Variants in MMUT observed in about 807,000 individuals in gnomAD.
MMUT encodes the protein methylmalonyl-CoA mutase, mitochondrial.
In MMUT, 79 loss-of-function variants were observed where a neutral mutation model predicts 79.9. That is an observed-to-expected ratio of 0.99 (90% confidence interval 0.82 to 1.19). The LOEUF is 1.19. MMUT is among the 50% of genes most tolerant of loss of function. The pLI is 0.00. For synonymous variants in MMUT, 273 were observed against 295.7 expected, an observed-to-expected ratio of 0.92 and a Z score of 0.79; for missense variants, 860 against 917.2, an observed-to-expected ratio of 0.94 and a Z score of 0.81.
At chr6:49,454,117 C>T (rs987017590) in intron 4 of MMUT, among the ~76,000 whole-genome samples, 9 of 152,128 alleles carry the variant, frequency 5.9e-5, no homozygotes, top group African/African-American at 2.2e-4. Context: ...TGAAATAAAA[C>T]AGCAAATTTG....
At position 49,430,637 on chromosome 6, in the gene MMUT, C is replaced by T. The variant is rs1341541064; in HGVS notation, c.*1091G>A. On this transcript the variant is annotated 3_prime_UTR_variant, in exon 13 of 13. Transcript: ENST00000274813. Reference sequence around the variant, plus strand: ...ACAGTAATGTATCTATAATACTTTCCAAAAGACTGCTCTCTGATCTAATAC... The same window carrying T: ...ACAGTAATGTATCTATAATACTTTCTAAAAGACTGCTCTCTGATCTAATAC... 2 of 151,980 alleles carry T rather than the reference C, an allele frequency of 1.3e-5. No homozygotes were observed. Among genetic ancestry groups the T allele is most frequent in the Admixed American group, 1.3e-4 (2 of 15,250 alleles). The allele number at this position is 151,980 out of a possible 1,614,324, so 9.4% of individuals were successfully genotyped here.
intron 12 of MMUT, among the ~76,000 whole-genome samples, chr6:49,433,817 G>A (rs1767051355): frequency 6.6e-6 from 1 of 152,048 alleles, no homozygotes; most frequent in Non-Finnish European, 1.5e-5. Context: ...CATATTCACT[G>A]CAAACAAATA....
Position 49,459,073 on chromosome 6 carries a change from A to G in MMUT, c.385+9T>C, listed in dbSNP as rs483352783. The G allele has an allele frequency of 6.2e-7, 1 of 1,613,478 alleles. No homozygotes were observed. The highest frequency in any genetic ancestry group is 1.1e-5 in the South Asian group (1 of 90,966). On this transcript the variant is annotated intron_variant, in intron 2 of 12. Coordinates refer to ENST00000274813, the MANE Select transcript of MMUT (RefSeq NM_000255.4). ...ATCATAAATATTATGTCTTACATTA[A>G]AATCTCACCCTTAATGTTGTCCTTA...
intron 6 of MMUT, among the ~76,000 whole-genome samples, chr6:49,450,829 T>C (rs932801460): frequency 6.6e-6 from 1 of 152,162 alleles, no homozygotes; most frequent in African/African-American, 2.4e-5. Context: ...AATGAAAATA[T>C]ATTCCTACTA....
At chr6:49,442,429 G>A (rs545059558) in intron 9 of MMUT, among the ~76,000 whole-genome samples, 1 of 152,012 alleles carries the variant, frequency 6.6e-6, no homozygotes, top group African/African-American at 2.4e-5. Flanking sequence ...CTACTATAGC[G>A]ATACAGTAAT....
At chr6:49,461,714 A>T (rs972331270) in intron 1 of MMUT, among the ~76,000 whole-genome samples, 3 of 152,206 alleles carry the variant, frequency 2.0e-5, no homozygotes, top group Non-Finnish European at 2.9e-5. Context: ...GGTTGCAGTG[A>T]GCAGAGATCG....
rs1554160370 is a variant in MMUT at position 49,455,133 on chromosome 6, A to AT, written c.911+946_911+947insA. ...GAAAAATAAGTATGCTTCTTAAAAA[A>AT]ATATATATATATATAATAAAAGCAT... On this transcript the variant is annotated intron_variant, in intron 4 of 12. Coordinates refer to ENST00000274813, the MANE Select transcript of MMUT (RefSeq NM_000255.4). Among the ~76,000 whole-genome samples, 37 of 150,958 alleles carry AT rather than the reference A, an allele frequency of 2.5e-4. 1 individual carries two copies. The Middle Eastern group carries it at 0.014, about 56-fold the overall frequency.
intron 12 of MMUT, among the ~76,000 whole-genome samples, chr6:49,435,220 G>A (rs1176877906): frequency 6.6e-6 from 1 of 152,142 alleles, no homozygotes; most frequent in Non-Finnish European, 1.5e-5. Flanking sequence ...TTTGCAAGGA[G>A]GTAGTTCTCT....
chr6:49,446,608 T>C (rs1488580327), intron 8 of MMUT, among the ~76,000 whole-genome samples: 3 of 151,848 alleles, frequency 2.0e-5, no homozygotes, highest in African/African-American at 7.2e-5. Flanking sequence ...TAACTACCTG[T>C]TAAATAAAAC....
intron 8 of MMUT, among the ~76,000 whole-genome samples, chr6:49,446,248 A>G (rs1581826123): frequency 1.3e-5 from 2 of 152,070 alleles, no homozygotes; most frequent in South Asian, 4.1e-4. Context: ...CCACAGGTAA[A>G]ATATTGTTAA....
chr6:49,451,361 T>A, intron 6 of MMUT, 105 bp downstream of exon 6: 1 of 1,294,146 alleles, frequency 7.7e-7, no homozygotes, highest in Non-Finnish European at 1.1e-6. Flanking sequence ...GTGATTTGAT[T>A]TATAAATTTA....
At chr6:49,461,842 G>A (rs545086036) in intron 1 of MMUT, among the ~76,000 whole-genome samples, 5 of 152,246 alleles carry the variant, frequency 3.3e-5, no homozygotes, top group African/African-American at 1.2e-4. Flanking sequence ...TGGGGTCCTT[G>A]TCATCCATCT....
intron 11 of MMUT, among the ~76,000 whole-genome samples, chr6:49,438,958 G>A (rs1393642274): frequency 6.6e-6 from 1 of 152,094 alleles, no homozygotes; most frequent in Non-Finnish European, 1.5e-5. Flanking sequence ...AAGACCTATT[G>A]TGGGACCTTG....
chr6:49,453,834 C>T (rs1382609967), intron 4 of MMUT, 78 bp from the exon 5 acceptor site: 21 of 1,231,238 alleles, frequency 1.7e-5, no homozygotes, highest in Non-Finnish European at 2.2e-5. Flanking sequence ...TTGTATCACA[C>T]ACTAGAAAAT....
chr6:49,447,826 AC>A, intron 7 of MMUT, 41 bp from the exon 8 acceptor site: 1 of 1,091,110 alleles, frequency 9.2e-7, no homozygotes, highest in Non-Finnish European at 1.4e-6. Context: ...ACAAATAATT[AC>A]CTAATTGTAA....
intron 8 of MMUT, among the ~76,000 whole-genome samples, chr6:49,445,030 AGCACAT>A (rs1165709475): frequency 6.7e-6 from 1 of 149,476 alleles, no homozygotes; most frequent in Non-Finnish European, 1.5e-5. Context: ...CTTCCCAAGT[AGCACAT>A]GTTACTTAGG....
intron 9 of MMUT, among the ~76,000 whole-genome samples, chr6:49,442,543 A>G (rs1006589521): frequency 1.3e-5 from 2 of 152,128 alleles, no homozygotes; most frequent in South Asian, 4.1e-4. Context: ...AACTAGTAAG[A>G]CAATTTCATA....
intron 12 of MMUT, 113 bp downstream of exon 12, chr6:49,435,343 T>A: frequency 9.0e-7 from 1 of 1,106,352 alleles, no homozygotes; most frequent in Non-Finnish European, 1.3e-6. Flanking sequence ...TTTAGTGAAA[T>A]CACCAGGAAA....
At chr6:49,451,975 T>A (rs1446811694) in intron 5 of MMUT, among the ~76,000 whole-genome samples, 4 of 152,232 alleles carry the variant, frequency 2.6e-5, no homozygotes, top group African/African-American at 9.6e-5. Context: ...TAAATACTTT[T>A]CTATAAGTAT....
Sources: gnomAD v4.1 joint callset for allele counts (sites outside exome capture counted in the v4.1 genomes callset) on GRCh38, gnomAD v4.1.1 for gene constraint, MANE v1.5 for transcripts, NCBI Gene and HGNC (gene_info 2026-07-23, HGNC 2026-07-21) for gene names.